The following CCDC180 variants were observed in gnomAD, a reference collection of about 807,000 sequenced individuals.
CCDC180 encodes the protein coiled-coil domain containing 180, also known as coiled-coil domain-containing protein 180.
In CCDC180, 154 loss-of-function variants were observed where a neutral mutation model predicts 209.2. The ratio of observed to expected loss-of-function variants is 0.74; its 90% CI spans 0.65 to 0.84. The LOEUF (loss-of-function observed/expected upper bound fraction) is 0.84, where lower values mean the gene tolerates loss of function less well. Among genes scored for constraint, CCDC180 ranks in the 40% least tolerant of loss-of-function variants. The pLI, the probability that CCDC180 is intolerant of heterozygous loss-of-function variation, is 0.00. For synonymous variants in CCDC180, 778 were observed against 749.1 expected (o/e 1.04, Z -0.63); for missense variants, 1,874 against 1,997.3 (o/e 0.94, Z 1.18).
chr9:97,376,817 T>A lies in CCDC180; in HGVS notation c.4897T>A (p.Ser1633Thr). The change falls in exon 37 of 37, where the codon TCT becomes ACT. Residue 1633 changes from serine to threonine, a missense_variant. Physicochemically the swap from Ser to Thr is moderately conservative, Grantham distance 58 (BLOSUM62 1). Transcript: ENST00000529487. ...AAAGAGGATCCAGGATGACTGTACA[T>A]CTCAGATAAAGGAGGCTCAGCGCTG... The part of the protein sequence containing the change: ...ELKRIQDDCT[S>T]QIKEAQRWKD... 1 of 1,613,542 alleles carries A rather than the reference T, an allele frequency of 6.2e-7. No homozygotes were observed. The highest frequency in any genetic ancestry group is 8.5e-7 in the Non-Finnish European group (1 of 1,179,968).
intron 11 of CCDC180, among the ~76,000 whole-genome samples, chr9:97,322,611 G>A (rs1833395263): frequency 6.6e-6 from 1 of 152,158 alleles, no homozygotes; most frequent in Non-Finnish European, 1.5e-5. Context: ...GGGCCAGAAT[G>A]GATTCAGAAC....
rs762257557 is a variant in CCDC180, at chr9:97,328,122, C to A, written c.1764C>A (p.Phe588Leu). 11 of 1,613,990 alleles carry A rather than the reference C, an allele frequency of 6.8e-6. No individual in the cohort carries two copies. In the South Asian group the frequency reaches 1.1e-4, roughly 16 times the overall value. Reference sequence around the variant, plus strand: ...ACAGCTCTGCCCTCAGCCAATACTTCTTTGTGCGTGAAATCTTTGAACAGG... The same window carrying A: ...ACAGCTCTGCCCTCAGCCAATACTTATTTGTGCGTGAAATCTTTGAACAGG... ...NSYSSALSQY[F>L]FVREIFEQNL... The change falls in exon 16 of 37, where the codon TTC becomes TTA. Residue 588 changes from phenylalanine to leucine, a missense_variant. Phe to Leu is a conservative substitution (Grantham distance 22, BLOSUM62 0). Transcript: ENST00000529487.
chr9:97,314,641 G>A lies in CCDC180; in HGVS notation c.612G>A (p.Lys204=). ...AGGCCCTGCTGGAGCTGTGGGATAAGGTGGCCGGGCGGTTACTGCTCCGGA... is the reference window on the plus strand; with the variant it reads ...AGGCCCTGCTGGAGCTGTGGGATAAAGTGGCCGGGCGGTTACTGCTCCGGA... ...TIQALLELWD[K]VAGRLLLRKQ... Residue 204 remains lysine, a synonymous_variant, in exon 7 of 37, where the codon AAG becomes AAA. Coordinates refer to ENST00000529487, the MANE Select transcript of CCDC180 (RefSeq NM_020893.6). 2 of 1,614,076 alleles carry A rather than the reference G, an allele frequency of 1.2e-6. No homozygotes were observed. Among genetic ancestry groups the A allele is most frequent in the Non-Finnish European group, 1.7e-6 (2 of 1,180,004 alleles).
rs1047207113 is a variant in CCDC180, at chr9:97,326,620, G to A, written c.1612G>A (p.Ala538Thr). 6.2e-7 allele frequency: 1 copy of A among 1,614,038 alleles called. No individual in the cohort carries two copies. Residue 538 changes from alanine (A) to threonine (T), a missense_variant, in exon 15 of 37, where the codon GCG becomes ACG. By Grantham distance (58) the Ala-to-Thr change is moderately conservative. Transcript: ENST00000529487. Reference protein sequence around the residue: ...LRQQSDKETLAFHLEKVKDYL... With the variant: ...LRQQSDKETLTFHLEKVKDYL... ...GCAGCAAAGTGACAAAGAAACACTG[G>A]CGTTTCACCTGGAAAAGGTCAAAGA...
At chr9:97,325,245 C>CA in intron 14 of CCDC180, 53 bp downstream of exon 14, 1 of 1,520,730 alleles carries the variant, frequency 6.6e-7, no homozygotes, top group East Asian at 2.4e-5. Flanking sequence ...GCAATGAACT[C>CA]AAACAGATCC....
At chr9:97,356,330 G>T (rs1826585953) in intron 24 of CCDC180, among the ~76,000 whole-genome samples, 1 of 152,176 alleles carries the variant, frequency 6.6e-6, no homozygotes, top group African/African-American at 2.4e-5. Context: ...GTGTTTGCTG[G>T]CATCTCACGC....
Position 97,325,092 on chromosome 9 carries a change from TACAACTGTGGGAGGC to T in CCDC180, c.1449_1463del (p.Gln483_Ala487del). The T allele has an allele frequency of 6.2e-7, 1 of 1,613,898 alleles. No individual in the cohort carries two copies. Among genetic ancestry groups the T allele is most frequent in the African/African-American group, 1.3e-5 (1 of 74,980 alleles). ...CTCTTCAAGTATTTCCAGGAGGTGGTACAACTGTGGGAGGCACACCAGAGCGAGCTGTTGGTGCAG... is the reference window on the plus strand; with the variant it reads ...CTCTTCAAGTATTTCCAGGAGGTGGTACACCAGAGCGAGCTGTTGGTGCAG... On this transcript the variant is annotated inframe_deletion, in exon 14 of 37. Coordinates refer to ENST00000529487, the MANE Select transcript of CCDC180 (RefSeq NM_020893.6).
At chr9:97,343,698 G>A in intron 19 of CCDC180, 135 bp downstream of exon 19, 1 of 689,586 alleles carries the variant, frequency 1.5e-6, no homozygotes, top group Non-Finnish European at 2.4e-6. Context: ...AAGGAAGGTA[G>A]GGGTGAGAAA....
chr9:97,374,880 A>G (rs764988893), intron 35 of CCDC180, among the ~76,000 whole-genome samples: 11 of 152,254 alleles, frequency 7.2e-5, no homozygotes, highest in Non-Finnish European at 1.5e-4. Context: ...AAACAGCTCA[A>G]CAGCTATTAG....
At chr9:97,340,990 A>G (rs564471564) in intron 18 of CCDC180, among the ~76,000 whole-genome samples, 1 of 152,254 alleles carries the variant, frequency 6.6e-6, no homozygotes, top group East Asian at 1.9e-4. Flanking sequence ...CCTTCTAGAT[A>G]GCAGTAGTAA....
In CCDC180 at chr9:97,326,598, G is replaced by C; in HGVS notation, c.1590G>C (p.Gln530His). 1.9e-6 allele frequency: 3 copies of C among 1,613,990 alleles called. No individual in the cohort carries two copies. ...ATAGGCTCTTGGACCAACTGAGGCAGCAAAGTGACAAAGAAACACTGGCGT... is the reference window on the plus strand; with the variant it reads ...ATAGGCTCTTGGACCAACTGAGGCACCAAAGTGACAAAGAAACACTGGCGT... ...HLDRLLDQLR[Q>H]QSDKETLAFH... Residue 530 changes from glutamine to histidine, a missense_variant, in exon 15 of 37, where the codon CAG becomes CAC. Gln to His is a conservative substitution (Grantham distance 24, BLOSUM62 0). Transcript: ENST00000529487.
At chr9:97,307,458 T>C, upstream of CCDC180, 1 of 594,828 alleles carries the variant, frequency 1.7e-6, no homozygotes, top group Non-Finnish European at 3.1e-6. Flanking sequence ...CAGGGGCTGC[T>C]CAGTCTACTT....
intron 18 of CCDC180, among the ~76,000 whole-genome samples, chr9:97,333,010 G>C (rs1382774124): frequency 1.9e-4 from 29 of 152,152 alleles, no homozygotes; most frequent in Non-Finnish European, 2.9e-5. Flanking sequence ...GTTTGTTATA[G>C]ATGGCTCTTA....
At chr9:97,358,630 G>C (rs1483581272) in intron 25 of CCDC180, among the ~76,000 whole-genome samples, 1 of 152,150 alleles carries the variant, frequency 6.6e-6, no homozygotes, top group African/African-American at 2.4e-5. Flanking sequence ...ACCCTTCAAT[G>C]ATGGGGGACA....
intron 33 of CCDC180, chr9:97,371,027 A>G (rs1158398958): frequency 9.7e-6 from 2 of 207,230 alleles, no homozygotes; most frequent in Non-Finnish European, 1.7e-5. Flanking sequence ...GCAGTGGCGC[A>G]ATCTCGGCTC....
chr9:97,313,367 T>G, intron 5 of CCDC180, 22 bp downstream of exon 5: 2 of 1,533,020 alleles, frequency 1.3e-6, no homozygotes, highest in Non-Finnish European at 1.8e-6. Context: ...CCCTCTCCCT[T>G]CTCTTCCCTT....
At position 97,343,461 on chromosome 9, in the gene CCDC180, C is replaced by G. The variant is rs1200012229; in HGVS notation, c.2396C>G (p.Ser799Cys). The G allele has an allele frequency of 1.9e-6, 3 of 1,614,050 alleles. No homozygotes were observed. In the Admixed American group the frequency reaches 5.0e-5, roughly 27 times the overall value. The change falls in exon 19 of 37, where the codon TCC (serine) becomes TGC (cysteine). Residue 799 changes from serine (S) to cysteine (C), a missense_variant. Transcript: ENST00000529487. ...VPLEEEHCRK[S>C]HSTFSAMFIN... Reference sequence around the variant, plus strand: ...CTGGAAGAAGAGCATTGTAGGAAGTCCCATTCCACCTTCTCAGCCATGTTC... The same window carrying G: ...CTGGAAGAAGAGCATTGTAGGAAGTGCCATTCCACCTTCTCAGCCATGTTC...
intron 2 of CCDC180, among the ~76,000 whole-genome samples, chr9:97,308,739 T>G (rs570131879): frequency 1.1e-4 from 17 of 152,230 alleles, no homozygotes; most frequent in Non-Finnish European, 2.4e-4. Flanking sequence ...TAAAAGGGAT[T>G]TGCATTCCTA....
rs1253247064 is a variant in CCDC180 at position 97,350,326 on chromosome 9, C to A, written c.2856-83C>A. On this transcript the variant is annotated intron_variant, in intron 21 of 36. Coordinates refer to ENST00000529487, the MANE Select transcript of CCDC180 (RefSeq NM_020893.6). ...ACCGGCCCCTCCCTTGTCCCTCAGG[C>A]TGATCACCATCACCACCTGCCCCTC... is the stretch of plus-strand genomic sequence containing the variant. 5 of 1,363,546 alleles carry A rather than the reference C, an allele frequency of 3.7e-6. No individual in the cohort carries two copies. The Admixed American group carries it at 6.2e-5, about 17-fold the overall frequency. The allele number at this position is 1,363,546 out of a possible 1,614,324, so 84.5% of individuals were successfully genotyped here. A position where few individuals can be genotyped will look rare whatever the true frequency, so the allele number is the denominator to read the frequency against.
Sources: allele counts gnomAD v4.1 joint callset (sites outside exome capture counted in the v4.1 genomes callset), GRCh38; gene constraint gnomAD v4.1.1; transcripts MANE v1.5; gene names NCBI Gene and HGNC (gene_info 2026-07-23, HGNC 2026-07-21).